POC1B: variants seen among roughly 807,000 people sequenced by gnomAD.
POC1B encodes the protein POC1 centriolar protein B, also known as POC1 centriolar protein homolog B.
POC1B carries 44 observed loss-of-function variants against 60.6 expected under a neutral mutation model. The observed-to-expected ratio is 0.73, with a 90% CI of 0.57 to 0.93. The LOEUF (loss-of-function observed/expected upper bound fraction) is 0.93. Ranked by LOEUF, POC1B falls within the 40% of genes least tolerant of loss-of-function variation. POC1B has a pLI of 0.00. For missense variants in POC1B, 555 were observed against 572.3 expected (o/e 0.97, Z 0.31); for synonymous variants, 180 against 198.9 (o/e 0.90, Z 0.80).
At chr12:89,440,367 A>G (rs1293073272) in intron 10 of POC1B, among the ~76,000 whole-genome samples, 1 of 152,182 alleles carries the variant, frequency 6.6e-6, no homozygotes, top group Non-Finnish European at 1.5e-5. Context: ...CACTGCACCA[A>G]ATTCTCTTAT....
chr12:89,425,336 T>C lies in POC1B; in HGVS notation c.1157A>G (p.Glu386Gly). 1.2e-6 allele frequency: 2 copies of C among 1,614,186 alleles called. No individual in the cohort carries two copies. The highest frequency in any genetic ancestry group is 1.7e-6 in the Non-Finnish European group (2 of 1,180,020). ...AGGGTTCAAGAAATATCCACAGGCC[T>C]CTTCACCCTTGTCTGGCAGAGTCCT... ...SGRTLPDKGE[E>G]ACGYFLNPSL... is the part of the protein sequence containing the mutation. Residue 386 changes from glutamate to glycine, a missense_variant, in exon 11 of 12, where the codon GAG (glutamate) becomes GGG (glycine). Transcript: ENST00000313546.
chr12:89,440,905 C>T (rs565354960), intron 10 of POC1B, among the ~76,000 whole-genome samples: 1 of 152,352 alleles, frequency 6.6e-6, no homozygotes, highest in Non-Finnish European at 1.5e-5. Flanking sequence ...AAAATCAGGA[C>T]ACTCCCACCC....
chr12:89,514,830 C>A (rs547700196), intron 2 of POC1B, among the ~76,000 whole-genome samples: 1 of 152,216 alleles, frequency 6.6e-6, no homozygotes, highest in East Asian at 1.9e-4. Flanking sequence ...GAAGTTGAAG[C>A]CTCAAGCCTC....
chr12:89,425,112 T>G (rs751177194), intron 11 of POC1B, 49 bp downstream of exon 11: 1 of 1,573,934 alleles, frequency 6.4e-7, no homozygotes, highest in South Asian at 1.1e-5. Flanking sequence ...AGAATTGTTT[T>G]GTGTATTTTA....
intron 2 of POC1B, among the ~76,000 whole-genome samples, chr12:89,502,976 T>C (rs1869653781): frequency 1.3e-5 from 2 of 152,220 alleles, no homozygotes; most frequent in African/African-American, 4.8e-5. Flanking sequence ...TGTGTGTATA[T>C]ATGTATATGT....
intron 10 of POC1B, among the ~76,000 whole-genome samples, chr12:89,432,632 G>A (rs1316086128): frequency 6.6e-6 from 1 of 152,082 alleles, no homozygotes; most frequent in African/African-American, 2.4e-5. Flanking sequence ...ACAAGGGTTA[G>A]GAAGAAAAAT....
At chr12:89,444,129 A>T (rs1881660283) in intron 10 of POC1B, among the ~76,000 whole-genome samples, 2 of 152,304 alleles carry the variant, frequency 1.3e-5, no homozygotes, top group African/African-American at 4.8e-5. Context: ...ACCAACCAAA[A>T]AAAGTCCAGG....
chr12:89,503,111 C>A (rs183015912), intron 2 of POC1B, among the ~76,000 whole-genome samples: 1 of 82,134 alleles, frequency 1.2e-5, no homozygotes, highest in African/African-American at 4.0e-5. Context: ...CCCTATCCCT[C>A]TCTCCCCACG....
In POC1B at chr12:89,491,980, G is replaced by C; in HGVS notation, c.408C>G (p.Phe136Leu). ...IKVWSMYRQRFLYSLYRHTHW... is the reference protein window; with the variant it reads ...IKVWSMYRQRLLYSLYRHTHW... ...GTGTATGTCGATACAAGGAATACAG[G>C]AAGCGCTGGCGATACATGCTCCATA... The change falls in exon 4 of 12, where the codon TTC becomes TTG. Residue 136 changes from phenylalanine (F) to leucine (L), a missense_variant. Phe to Leu is a conservative substitution (Grantham distance 22, BLOSUM62 0). Transcript: ENST00000313546. 6.3e-7 allele frequency: 1 copy of C among 1,593,782 alleles called. No homozygotes were observed. Among genetic ancestry groups the C allele is most frequent in the Non-Finnish European group, 8.5e-7 (1 of 1,173,430 alleles).
intron 2 of POC1B, among the ~76,000 whole-genome samples, chr12:89,513,122 T>C (rs1870266885): frequency 1.3e-5 from 2 of 152,182 alleles, no homozygotes; most frequent in African/African-American, 4.8e-5. Flanking sequence ...ACTCTGTTAC[T>C]ACCTCTCAGT....
chr12:89,525,079 G>C (rs757760055), intron 2 of POC1B, 41 bp downstream of exon 2: 14 of 1,613,058 alleles, frequency 8.7e-6, no homozygotes, highest in Non-Finnish European at 1.1e-5. Flanking sequence ...GGCCCATGGA[G>C]TTTAGTCTCA....
chr12:89,520,668 T>G (rs1419993892), intron 2 of POC1B: 1 of 152,220 alleles, frequency 6.6e-6, no homozygotes, highest in African/African-American at 2.4e-5. Context: ...CATAGCAATT[T>G]TATTTTTTGA....
chr12:89,523,289 A>G (rs1871084491), intron 2 of POC1B: 3 of 1,614,092 alleles, frequency 1.9e-6, no homozygotes, highest in Non-Finnish European at 2.5e-6. Context: ...AAGCTCTTGC[A>G]TCTCAACCGC....
At chr12:89,502,274 A>G (rs1592632283) in intron 2 of POC1B, 2 of 1,558,350 alleles carry the variant, frequency 1.3e-6, no homozygotes, top group East Asian at 2.2e-5. Flanking sequence ...ATACCAAAGA[A>G]CAGAATCCAT....
rs145073307 is a variant in POC1B, at chr12:89,499,520, G to GA, written c.101-2179dup. 6.7e-4 allele frequency among the ~76,000 whole-genome samples: 99 copies of GA among 148,552 alleles called. 4 individuals are homozygous for GA. The highest frequency in any genetic ancestry group is 6.1e-3 in the East Asian group (31 of 5,074). ...AAAATAAAAGCTGAAATTATTGAAA[G>GA]AAAAAAAAAACCTGCGATGGGAAAC... On this transcript the variant is annotated intron_variant, in intron 2 of 11. Coordinates refer to ENST00000313546, the MANE Select transcript of POC1B (RefSeq NM_172240.3).
intron 4 of POC1B, among the ~76,000 whole-genome samples, chr12:89,486,420 C>A (rs1868634334): frequency 6.6e-6 from 1 of 151,990 alleles, no homozygotes. Flanking sequence ...ATGGAAATCA[C>A]CATATGGAAA....
intron 10 of POC1B, chr12:89,427,267 C>T (rs564124147): frequency 6.6e-6 from 1 of 152,296 alleles, no homozygotes; most frequent in Admixed American, 6.5e-5. Flanking sequence ...TGATTTTTGA[C>T]AAGGTTGCCA....
intron 4 of POC1B, among the ~76,000 whole-genome samples, chr12:89,487,994 GT>G (rs2135734249): frequency 6.6e-6 from 1 of 152,224 alleles, no homozygotes; most frequent in African/African-American, 2.4e-5. Flanking sequence ...CCAAGACTGT[GT>G]CTTTCATCTC....
At chr12:89,436,354 A>G (rs887359549) in intron 10 of POC1B, among the ~76,000 whole-genome samples, 2 of 152,160 alleles carry the variant, frequency 1.3e-5, no homozygotes, top group East Asian at 3.9e-4. Context: ...TAGCCATTAA[A>G]CATGATGGGC....
Sources: allele counts gnomAD v4.1 joint callset (sites outside exome capture counted in the v4.1 genomes callset), GRCh38; gene constraint gnomAD v4.1.1; transcripts MANE v1.5; gene names NCBI Gene and HGNC (gene_info 2026-07-23, HGNC 2026-07-21).